TSPAN18: variants seen among roughly 807,000 people sequenced by gnomAD.
The protein encoded by TSPAN18 is tetraspanin 18, also known as tetraspanin-18.
A neutral mutation model predicts 27.3 loss-of-function variants in TSPAN18; 14 were observed. That is an observed-to-expected ratio of 0.51 (90% confidence interval 0.34 to 0.80). The LOEUF (loss-of-function observed/expected upper bound fraction) is 0.80. TSPAN18 is among the 30% of genes least tolerant of loss of function. The pLI is 0.01. For missense variants in TSPAN18, 268 were observed against 323.9 expected, an observed-to-expected ratio of 0.83 and a Z score of 1.32; for synonymous variants, 143 against 136.5, an observed-to-expected ratio of 1.05 and a Z score of -0.33.
chr11:44,733,380 A>T (rs1854711500), intron 1 of TSPAN18, among the ~76,000 whole-genome samples: 1 of 152,202 alleles, frequency 6.6e-6, no homozygotes, highest in South Asian at 2.1e-4. Context: ...TGGGCAGATC[A>T]TATTGTGCCT....
intron 2 of TSPAN18, among the ~76,000 whole-genome samples, chr11:44,767,643 G>A (rs1342268655): frequency 6.6e-6 from 1 of 152,164 alleles, no homozygotes. Flanking sequence ...TTTTGTTATT[G>A]TTGCTCAAGC....
intron 1 of TSPAN18, among the ~76,000 whole-genome samples, chr11:44,746,492 T>A (rs547625110): frequency 6.6e-6 from 1 of 152,334 alleles, no homozygotes; most frequent in East Asian, 1.9e-4. Flanking sequence ...CAGTAGCTCA[T>A]GCCTGTAATC....
chr11:44,746,054 C>T (rs1022663681), intron 1 of TSPAN18, among the ~76,000 whole-genome samples: 7 of 152,114 alleles, frequency 4.6e-5, no homozygotes, highest in African/African-American at 1.7e-4. Context: ...AACAGCAAAG[C>T]TGATTCTAAT....
chr11:44,874,546 C>A (rs926054267), intron 3 of TSPAN18, among the ~76,000 whole-genome samples: 1 of 152,250 alleles, frequency 6.6e-6, no homozygotes, highest in Non-Finnish European at 1.5e-5. Flanking sequence ...AGCAAGGATT[C>A]ATGCCCGAGT....
intron 3 of TSPAN18, among the ~76,000 whole-genome samples, chr11:44,861,406 G>T (rs1429061769): frequency 2.7e-5 from 4 of 146,858 alleles, no homozygotes; most frequent in Admixed American, 6.8e-5. Context: ...TGGGGTGCGG[G>T]TGGTGCTGAG....
At chr11:44,821,624 C>T (rs2135122339) in intron 2 of TSPAN18, among the ~76,000 whole-genome samples, 1 of 152,226 alleles carries the variant, frequency 6.6e-6, no homozygotes, top group Non-Finnish European at 1.5e-5. Context: ...TTTCTCTGAG[C>T]CTGAGTTTTC....
At position 44,909,774 on chromosome 11, in the gene TSPAN18, G is replaced by C. The variant is rs138512957; in HGVS notation, c.133G>C (p.Val45Leu). The C allele has an allele frequency of 1.9e-6, 3 of 1,613,856 alleles. No individual in the cohort carries two copies. In the South Asian group the frequency reaches 3.3e-5, roughly 18 times the overall value. Residue 45 changes from valine to leucine, a missense_variant, in exon 5 of 10, where the codon GTG becomes CTG. By Grantham distance (32) the Val-to-Leu change is conservative (BLOSUM62 1). Transcript: ENST00000520358. ...GGACCCCACCGGCTTCCGGGAGATCGTGGCTGCCAATCCTCTGCTCCTCAC... is the reference window on the plus strand; with the variant it reads ...GGACCCCACCGGCTTCCGGGAGATCCTGGCTGCCAATCCTCTGCTCCTCAC... ...MVDPTGFREIVAANPLLLTGA... is the reference protein window; with the variant it reads ...MVDPTGFREILAANPLLLTGA...
At chr11:44,754,524 G>C (rs1214658587) in intron 1 of TSPAN18, among the ~76,000 whole-genome samples, 2 of 152,222 alleles carry the variant, frequency 1.3e-5, no homozygotes, top group Non-Finnish European at 2.9e-5. Flanking sequence ...TGAACCATGT[G>C]CCAAAGCACT....
intron 2 of TSPAN18, among the ~76,000 whole-genome samples, chr11:44,849,696 C>CA (rs5791649): frequency 0.43 from 65,616 of 151,938 alleles, 14,622 homozygotes; most frequent in Non-Finnish European, 0.48. Context: ...GCACCCAAAG[C>CA]ACCTGCACAC....
Position 44,930,631 on chromosome 11 carries a change from G to A in TSPAN18, c.*1453G>A, listed in dbSNP as rs1281619176. 2 of 341,730 alleles carry A rather than the reference G, an allele frequency of 5.9e-6. No individual in the cohort carries two copies. Among genetic ancestry groups the A allele is most frequent in the African/African-American group, 4.3e-5 (2 of 46,410 alleles). 21.2% of individuals were successfully genotyped at this position (341,730 alleles called of 1,614,324 possible). A position where few individuals can be genotyped will look rare whatever the true frequency, so the allele number is the denominator to read the frequency against. On this transcript the variant is annotated 3_prime_UTR_variant, in exon 10 of 10. Transcript: ENST00000520358. ...TATTCAGTTCTCAAACTCTAGACGAGTGTTGGCAACTGGATTGCAAGATGC... is the reference window on the plus strand; with the variant it reads ...TATTCAGTTCTCAAACTCTAGACGAATGTTGGCAACTGGATTGCAAGATGC...
intron 3 of TSPAN18, among the ~76,000 whole-genome samples, chr11:44,900,848 C>T (rs1031217281): frequency 5.9e-5 from 9 of 151,854 alleles, no homozygotes; most frequent in Non-Finnish European, 7.4e-5. Flanking sequence ...TTCCTGCCAC[C>T]ACCCCCAGCT....
rs72469181 is a variant in TSPAN18, at chr11:44,900,680, CTTTTTTTTTTTT to C, written c.-10-5707_-10-5696del. Among the ~76,000 whole-genome samples, 61 of 49,732 alleles carry C rather than the reference CTTTTTTTTTTTT, an allele frequency of 1.2e-3. 1 individual carries two copies. In the South Asian group the frequency reaches 0.054, roughly 44 times the overall value. 32.6% of individuals were successfully genotyped at this position (49,732 alleles called of 152,430 possible). A position where few individuals can be genotyped will look rare whatever the true frequency, so the allele number is the denominator to read the frequency against. On this transcript the variant is annotated intron_variant, in intron 3 of 9. Coordinates refer to ENST00000520358, the MANE Select transcript of TSPAN18 (RefSeq NM_130783.5). ...TATTTTCCATACAACTTGAGGAAGG[CTTTTTTTTTTTT>C]TTTTTTTTTTTTTTTTTTTGAGATG...
At chr11:44,901,524 C>T (rs1859262144) in intron 3 of TSPAN18, among the ~76,000 whole-genome samples, 1 of 152,234 alleles carries the variant, frequency 6.6e-6, no homozygotes, top group South Asian at 2.1e-4. Flanking sequence ...TGTGGCTGCT[C>T]TGCCTCCAAA....
In TSPAN18 at chr11:44,816,467, C is replaced by G. The variant is rs542204831; in HGVS notation, c.-152-43861C>G. Among the ~76,000 whole-genome samples, 3 of 152,326 alleles carry G rather than the reference C, an allele frequency of 2.0e-5. No homozygotes were observed. The East Asian group carries it at 5.8e-4, about 29-fold the overall frequency. ...GATGAACATCAGAGAATAATAGCAG[C>G]TGATGTGTGATGCTGCCTCTGTGTT... On this transcript the variant is annotated intron_variant, in intron 2 of 9. Coordinates refer to ENST00000520358, the MANE Select transcript of TSPAN18 (RefSeq NM_130783.5).
At chr11:44,776,255 A>G (rs2134933491) in intron 2 of TSPAN18, among the ~76,000 whole-genome samples, 1 of 152,304 alleles carries the variant, frequency 6.6e-6, no homozygotes, top group South Asian at 2.1e-4. Context: ...TAGATGTAGA[A>G]ACTGAGGTCC....
Position 44,929,420 on chromosome 11 carries a change from C to T in TSPAN18, c.*242C>T, listed in dbSNP as rs1190363439. On this transcript the variant is annotated 3_prime_UTR_variant, in exon 10 of 10. Coordinates refer to ENST00000520358, the MANE Select transcript of TSPAN18 (RefSeq NM_130783.5). ...AGGTGCCGTGGGTTCTCCAGAGACC[C>T]CAGCAACTGGCCCAGGATGCAGGCT... 3 of 569,672 alleles carry T rather than the reference C, an allele frequency of 5.3e-6. No individual in the cohort carries two copies. Among genetic ancestry groups the T allele is most frequent in the African/African-American group, 1.9e-5 (1 of 53,084 alleles). 35.3% of individuals were successfully genotyped at this position (569,672 alleles called of 1,614,324 possible).
chr11:44,744,408 C>T (rs775072939), intron 1 of TSPAN18, among the ~76,000 whole-genome samples: 2 of 152,102 alleles, frequency 1.3e-5, no homozygotes, highest in African/African-American at 2.4e-5. Flanking sequence ...ATGAGGTTAC[C>T]GTCATGTTTC....
intron 3 of TSPAN18, among the ~76,000 whole-genome samples, chr11:44,861,000 A>AAT (rs1857864253): frequency 6.6e-6 from 1 of 152,076 alleles, no homozygotes. Context: ...ATATATTCCA[A>AAT]ATATATATAT....
chr11:44,894,108 G>A (rs547796153), intron 3 of TSPAN18, among the ~76,000 whole-genome samples: 5 of 152,322 alleles, frequency 3.3e-5, no homozygotes, highest in African/African-American at 4.8e-5. Flanking sequence ...AGGAGGGAAC[G>A]GGGTGTGCAG....
Sources: gnomAD v4.1 joint callset for allele counts (sites outside exome capture counted in the v4.1 genomes callset) on GRCh38, gnomAD v4.1.1 for gene constraint, MANE v1.5 for transcripts, NCBI Gene and HGNC (gene_info 2026-07-23, HGNC 2026-07-21) for gene names.